Variants in PCDHGB2 observed in about 807,000 individuals in gnomAD.
The protein encoded by PCDHGB2 is protocadherin gamma-B2.
In PCDHGB2, 55 loss-of-function variants were observed where a neutral mutation model predicts 59.3. The ratio of observed to expected loss-of-function variants is 0.93; its 90% CI spans 0.75 to 1.16. The LOEUF is 1.16. Among genes scored for constraint, PCDHGB2 ranks in the 50% most tolerant of loss-of-function variants. The pLI is 0.00. For missense variants in PCDHGB2, 1,228 were observed against 1,198.5 expected, an observed-to-expected ratio of 1.02 and a Z score of -0.36; for synonymous variants, 516 against 512.0, an observed-to-expected ratio of 1.01 and a Z score of -0.11.
Position 141,399,778 on chromosome 5 carries a change from C to G in PCDHGB2, c.2421+37222C>G, listed in dbSNP as rs187080333. ...GAGCCTGCGCGTGTTGGTGGGCGACCGAAACGACAACGCACCGCGGGTGCT... is the reference window on the plus strand; with the variant it reads ...GAGCCTGCGCGTGTTGGTGGGCGACGGAAACGACAACGCACCGCGGGTGCT... On this transcript the variant is annotated intron_variant, in intron 1 of 3. Coordinates refer to ENST00000522605, the MANE Select transcript of PCDHGB2 (RefSeq NM_018923.3). The G allele has an allele frequency of 3.4e-4, 542 of 1,613,250 alleles. 2 individuals are homozygous for G. The African/African-American group carries it at 5.6e-3, about 17-fold the overall frequency.
chr5:141,417,947 T>A (rs958624664), intron 1 of PCDHGB2: 53 of 1,613,420 alleles, frequency 3.3e-5, no homozygotes, highest in Middle Eastern at 1.7e-4. Context: ...CCCCACGCTG[T>A]GTGAGCCGAT....
In PCDHGB2 at chr5:141,432,091, C is replaced by A. The variant is rs370491149; in HGVS notation, c.2422-62716C>A. ...CTCATATCTCGCTGAACGTGGCAGA[C>A]ACCAACGACAACCCGCCGGTCTTCC... On this transcript the variant is annotated intron_variant, in intron 1 of 3. Coordinates refer to ENST00000522605, the MANE Select transcript of PCDHGB2 (RefSeq NM_018923.3). This position sits in a 1 kb window ranked among gnomAD's most constrained non-coding sequence, Gnocchi z 6.0. 6.2e-7 allele frequency: 1 copy of A among 1,614,056 alleles called. No individual in the cohort carries two copies. Among genetic ancestry groups the A allele is most frequent in the African/African-American group, 1.3e-5 (1 of 74,908 alleles).
At chr5:141,505,282 G>C (rs73280377) in intron 2 of PCDHGB2, 111 bp from the exon 3 acceptor site, 37,017 of 1,544,812 alleles carry the variant, frequency 0.024, 1,115 homozygotes, top group African/African-American at 0.15. Context: ...AACAGGTCTT[G>C]GGCATGGGGT....
At chr5:141,413,740 C>A in intron 1 of PCDHGB2, 2 of 1,613,402 alleles carry the variant, frequency 1.2e-6, no homozygotes, top group Non-Finnish European at 1.7e-6. Flanking sequence ...AGTTCAGAGC[C>A]GTGCCAATGG....
At chr5:141,376,381 T>C (rs1588802356) in intron 1 of PCDHGB2, 13 of 1,613,972 alleles carry the variant, frequency 8.1e-6, no homozygotes, top group Middle Eastern at 1.7e-4. Context: ...CGCGTAAGAG[T>C]CATCTGATTT....
In PCDHGB2 at chr5:141,382,905, G is replaced by C. The variant is rs773530372; in HGVS notation, c.2421+20349G>C. On this transcript the variant is annotated intron_variant, in intron 1 of 3. Transcript: ENST00000522605. Reference sequence around the variant, plus strand: ...GCAAGAGAAGCAGGACGACTATGGCGGCTCAGCCGAGGGGCGGGGACTACA... The same window carrying C: ...GCAAGAGAAGCAGGACGACTATGGCCGCTCAGCCGAGGGGCGGGGACTACA... 3.8e-5 allele frequency: 59 copies of C among 1,544,508 alleles called. No individual in the cohort carries two copies. The South Asian group carries it at 5.7e-4, about 15-fold the overall frequency.
At chr5:141,370,615 T>A in intron 1 of PCDHGB2, 2 of 1,613,882 alleles carry the variant, frequency 1.2e-6, no homozygotes, top group Non-Finnish European at 1.7e-6. Context: ...GAGAAGAAAT[T>A]CTTTACCGTG....
Position 141,487,203 on chromosome 5 carries a change from G to A in PCDHGB2, c.2422-7604G>A, listed in dbSNP as rs765707343. 6.8e-6 allele frequency: 11 copies of A among 1,613,804 alleles called. No homozygotes were observed. The highest frequency in any genetic ancestry group is 5.3e-5 in the African/African-American group (4 of 74,890). The stretch of plus-strand genomic sequence containing the variant: ...ACTCATCCAGTTGTCCCAGATCTTC[G>A]AGAATCTTCAGCTCCAAGGGAAGGA... On this transcript the variant is annotated intron_variant, in intron 1 of 3. Transcript: ENST00000522605. This position sits in a 1 kb window ranked among gnomAD's most constrained non-coding sequence, Gnocchi z 5.0.
intron 1 of PCDHGB2, chr5:141,409,182 T>C: frequency 6.2e-7 from 1 of 1,614,006 alleles, no homozygotes; most frequent in East Asian, 2.2e-5. Context: ...GGAGGTGGTC[T>C]CTCTACCCAG....
chr5:141,370,057 C>T (rs180898728), intron 1 of PCDHGB2, among the ~76,000 whole-genome samples: 2 of 152,150 alleles, frequency 1.3e-5, no homozygotes, highest in Non-Finnish European at 2.9e-5. Flanking sequence ...TTTAAAAGTC[C>T]TTTTAAAATG....
At chr5:141,398,019 A>T (rs2093601039) in intron 1 of PCDHGB2, 1 of 1,427,024 alleles carries the variant, frequency 7.0e-7, no homozygotes, top group Admixed American at 2.6e-5. Flanking sequence ...CGTTTCCTAA[A>T]CTGGAACTGG....
chr5:141,468,443 G>A (rs760789357), intron 1 of PCDHGB2: 6 of 152,124 alleles, frequency 3.9e-5, no homozygotes, highest in Non-Finnish European at 8.8e-5. Context: ...AAATGTGGGT[G>A]CAAAATTAAA....
At chr5:141,365,968 G>A (rs1764235643) in intron 1 of PCDHGB2, 10 of 1,614,258 alleles carry the variant, frequency 6.2e-6, no homozygotes, top group African/African-American at 1.3e-5. Context: ...GCAGCAACGT[G>A]TCGCTGAGCC....
Position 141,476,591 on chromosome 5 carries a change from G to T in PCDHGB2, c.2422-18216G>T, listed in dbSNP as rs200254399. The T allele has an allele frequency of 6.2e-7, 1 of 1,614,230 alleles. No homozygotes were observed. The highest frequency in any genetic ancestry group is 8.5e-7 in the Non-Finnish European group (1 of 1,180,046). On this transcript the variant is annotated intron_variant, in intron 1 of 3. Transcript: ENST00000522605. The surrounding 1 kb of genome is among the most constrained non-coding windows in gnomAD (Gnocchi z 7.6). The stretch of plus-strand genomic sequence containing the variant: ...GGGGACGCGCTTTCCGCTCGAGAGC[G>T]CGCACGATCCCGATGTGGGAAGCAA...
At chr5:141,374,162 G>A in intron 1 of PCDHGB2, 3 of 1,612,514 alleles carry the variant, frequency 1.9e-6, no homozygotes, top group Admixed American at 1.7e-5. Context: ...GTGGGGGGCC[G>A]CGGCAGCGCA....
At chr5:141,450,675 C>T (rs377412699) in intron 1 of PCDHGB2, among the ~76,000 whole-genome samples, 3 of 151,614 alleles carry the variant, frequency 2.0e-5, no homozygotes, top group South Asian at 4.2e-4. Flanking sequence ...TTAGTAGAAA[C>T]GGGGTTTTGC....
chr5:141,505,513 G>A lies in PCDHGB2; in HGVS notation c.2569+32G>A, dbSNP rs1157816684. ...GGTGTCAGTGTGTGTATGGAAGAGT[G>A]GGAGACCTGGGGTTCTGGGGTGCAT... On this transcript the variant is annotated intron_variant, in intron 3 of 3. Coordinates refer to ENST00000522605, the MANE Select transcript of PCDHGB2 (RefSeq NM_018923.3). The A allele has an allele frequency of 3.1e-6, 5 of 1,613,710 alleles. No homozygotes were observed. In the South Asian group the frequency reaches 3.3e-5, roughly 11 times the overall value.
At chr5:141,467,348 C>T (rs1182432500) in intron 1 of PCDHGB2, among the ~76,000 whole-genome samples, 5 of 152,142 alleles carry the variant, frequency 3.3e-5, no homozygotes, top group African/African-American at 9.7e-5. Context: ...CCACTGCCCC[C>T]GGCCAAATCA....
chr5:141,473,798 T>C lies in PCDHGB2; in HGVS notation c.2422-21009T>C, dbSNP rs1202883137. 2.6e-5 allele frequency among the ~76,000 whole-genome samples: 4 copies of C among 152,350 alleles called. 1 individual carries two copies. The highest frequency in any genetic ancestry group is 6.8e-3 in the Middle Eastern group (2 of 294). On this transcript the variant is annotated intron_variant, in intron 1 of 3. Transcript: ENST00000522605. ...TTTTAATTCAAGAGCAGTATGATGCTACTGAGGAGCAGCTGGACAATTGTG... is the reference window on the plus strand; with the variant it reads ...TTTTAATTCAAGAGCAGTATGATGCCACTGAGGAGCAGCTGGACAATTGTG...
Sources: gnomAD v4.1 joint callset for allele counts (sites outside exome capture counted in the v4.1 genomes callset) on GRCh38, gnomAD v4.1.1 for gene constraint, Gnocchi (gnomAD v3.1) non-coding constraint, MANE v1.5 for transcripts, NCBI Gene and HGNC (gene_info 2026-07-23, HGNC 2026-07-21) for gene names.